The following CTNNA2 variants were observed in gnomAD, a reference collection of about 807,000 sequenced individuals.
CTNNA2 encodes the protein catenin alpha 2.
Under a neutral mutation model 101.0 loss-of-function variants are expected in CTNNA2, and 42 were observed. That is an observed-to-expected ratio of 0.42 (90% CI 0.32 to 0.54). CTNNA2 has a LOEUF of 0.54. Among genes scored for constraint, CTNNA2 ranks in the 20% least tolerant of loss-of-function variants. The pLI is 0.14. For missense variants in CTNNA2, 871 were observed against 1,223.1 expected (o/e 0.71, Z 4.29); for synonymous variants, 450 against 456.4 (o/e 0.99, Z 0.18).
intron 1 of CTNNA2, among the ~76,000 whole-genome samples, chr2:79,566,043 G>A (rs1461858882): frequency 6.6e-6 from 1 of 152,026 alleles, no homozygotes; most frequent in Admixed American, 6.6e-5. Context: ...TGAGTGGGGT[G>A]CCCTGAGAAT....
chr2:79,766,813 C>T (rs1411099756), intron 3 of CTNNA2, among the ~76,000 whole-genome samples: 5 of 151,558 alleles, frequency 3.3e-5, no homozygotes, highest in Middle Eastern at 3.4e-3. Flanking sequence ...TGGAGTGCAG[C>T]GGCATGATCT....
At chr2:79,628,511 A>AT (rs1430246813) in intron 1 of CTNNA2, among the ~76,000 whole-genome samples, 4 of 152,044 alleles carry the variant, frequency 2.6e-5, no homozygotes, top group African/African-American at 7.2e-5. Context: ...GAACAACGAA[A>AT]TTTTTTCATT....
Position 80,292,631 on chromosome 2 carries a change from C to A in CTNNA2, c.1057-100580C>A, listed in dbSNP as rs1675365810. On this transcript the variant is annotated intron_variant, in intron 7 of 18. Coordinates refer to ENST00000402739, the MANE Select transcript of CTNNA2 (RefSeq NM_001282597.3). ...GATCAAGAAGAAGTGGAGGCCTCTT[C>A]TGCATACTCTCATGGTGAGTCTGAT... Among the ~76,000 whole-genome samples, 6 of 152,206 alleles carry A rather than the reference C, an allele frequency of 3.9e-5. No individual in the cohort carries two copies. The South Asian group carries it at 1.2e-3, about 32-fold the overall frequency.
Position 80,555,878 on chromosome 2 carries a change from T to C in CTNNA2, c.1726T>C (p.Leu576=), listed in dbSNP as rs780486914. 6.5e-6 allele frequency: 10 copies of C among 1,550,072 alleles called. No homozygotes were observed. Among genetic ancestry groups the C allele is most frequent in the Non-Finnish European group, 3.5e-6 (4 of 1,146,570 alleles). ...YTEKVLEATK[L]LSETVMPRFA... ...TGAGAAGGTGTTGGAAGCTACAAAA[T>C]TGCTTTCTGAAACAGGTAAGCATGG... is the stretch of plus-strand genomic sequence containing the variant. Residue 576 remains leucine (L), a synonymous_variant, in exon 12 of 19, where the codon TTG becomes CTG. Coordinates refer to ENST00000402739, the MANE Select transcript of CTNNA2 (RefSeq NM_001282597.3).
chr2:79,699,726 A>T (rs956408164), intron 2 of CTNNA2, among the ~76,000 whole-genome samples: 1 of 150,174 alleles, frequency 6.7e-6, no homozygotes, highest in Non-Finnish European at 1.5e-5. Context: ...TCAACTAAAA[A>T]ATTTTGATGC....
chr2:79,703,584 A>C (rs967486112), intron 2 of CTNNA2, among the ~76,000 whole-genome samples: 1 of 152,194 alleles, frequency 6.6e-6, no homozygotes, highest in Non-Finnish European at 1.5e-5. Flanking sequence ...ATTTTTATCT[A>C]CTGCCTTCCA....
At chr2:80,402,170 G>A (rs919461838) in intron 8 of CTNNA2, among the ~76,000 whole-genome samples, 2 of 152,150 alleles carry the variant, frequency 1.3e-5, no homozygotes, top group African/African-American at 4.8e-5. Flanking sequence ...GAATATTCAG[G>A]TGAGCAGTCA....
chr2:80,478,932 G>C (rs76195255), intron 9 of CTNNA2, among the ~76,000 whole-genome samples: 3,296 of 151,860 alleles, frequency 0.022, 122 homozygotes, highest in African/African-American at 0.075. Context: ...ATTGGTGAGA[G>C]GAATTACATT....
intron 7 of CTNNA2, among the ~76,000 whole-genome samples, chr2:80,192,749 G>A (rs1320828404): frequency 6.6e-6 from 1 of 152,152 alleles, no homozygotes; most frequent in African/African-American, 2.4e-5. Context: ...TCCTGAACTT[G>A]TGATCCACCC....
intron 18 of CTNNA2, among the ~76,000 whole-genome samples, chr2:80,637,492 AGAGGAAGAAAGAGGT>A (rs1673004509): frequency 6.6e-6 from 1 of 152,014 alleles, no homozygotes; most frequent in Non-Finnish European, 1.5e-5. Context: ...AGTGCACAGG[AGAGGAAGAAAGAGGT>A]GGGGAAGAGG....
rs1283168348 is a variant in CTNNA2 at position 80,496,984 on chromosome 2, A to G, written c.1291-47998A>G. ...TTAAAGCAATATGTGACTCAGGAGA[A>G]GCATGAACGAAGCGCCTGAAAGAAT... is the stretch of plus-strand genomic sequence containing the variant. On this transcript the variant is annotated intron_variant, in intron 9 of 18. Coordinates refer to ENST00000402739, the MANE Select transcript of CTNNA2 (RefSeq NM_001282597.3). Among the ~76,000 whole-genome samples the G allele has an allele frequency of 3.3e-5, 5 of 152,318 alleles. No individual in the cohort carries two copies. In the East Asian group the frequency reaches 7.7e-4, roughly 24 times the overall value.
At chr2:80,393,169 T>C (rs1390169568) in intron 7 of CTNNA2, 42 bp from the exon 8 acceptor site, 3 of 1,468,054 alleles carry the variant, frequency 2.0e-6, no homozygotes, top group African/African-American at 1.4e-5. Flanking sequence ...GTCTCTAACA[T>C]TGAATATGCT....
chr2:79,909,900 G>A (rs531216246), intron 7 of CTNNA2, 103 bp downstream of exon 7: 5 of 1,197,470 alleles, frequency 4.2e-6, no homozygotes, highest in Non-Finnish European at 5.7e-6. Flanking sequence ...CAGACCAGGT[G>A]TTTACCAAAG....
chr2:79,544,793 C>A (rs1375621023), intron 1 of CTNNA2, among the ~76,000 whole-genome samples: 1 of 152,042 alleles, frequency 6.6e-6, no homozygotes, highest in East Asian at 1.9e-4. Context: ...AGAAATATTG[C>A]CTTGGCCTCC....
At chr2:80,139,076 A>G (rs1702856631) in intron 7 of CTNNA2, among the ~76,000 whole-genome samples, 1 of 152,148 alleles carries the variant, frequency 6.6e-6, no homozygotes, top group South Asian at 2.1e-4. Context: ...GCAAGTGAAA[A>G]GTATTGTTCT....
At chr2:79,533,816 G>A (rs905075031) in intron 1 of CTNNA2, among the ~76,000 whole-genome samples, 1 of 151,962 alleles carries the variant, frequency 6.6e-6, no homozygotes, top group Non-Finnish European at 1.5e-5. Flanking sequence ...AGCCCAAAGA[G>A]GAAACAACAA....
intron 7 of CTNNA2, among the ~76,000 whole-genome samples, chr2:80,062,187 C>G (rs1018179285): frequency 6.6e-6 from 1 of 152,190 alleles, no homozygotes; most frequent in Non-Finnish European, 1.5e-5. Flanking sequence ...TAATTCCTGT[C>G]ATTCTCAAAA....
intron 7 of CTNNA2, among the ~76,000 whole-genome samples, chr2:80,318,771 A>T (rs1678384303): frequency 1.3e-5 from 2 of 152,122 alleles, no homozygotes; most frequent in Non-Finnish European, 2.9e-5. Context: ...TTTTTTGTGA[A>T]GCTGGGCCTT....
chr2:79,620,076 A>G (rs1416709486), intron 1 of CTNNA2, among the ~76,000 whole-genome samples: 1 of 152,242 alleles, frequency 6.6e-6, no homozygotes, highest in Non-Finnish European at 1.5e-5. Context: ...GTCTGAGGCT[A>G]TAGCCACAGC....
Sources: allele counts gnomAD v4.1 joint callset (sites outside exome capture counted in the v4.1 genomes callset), GRCh38; gene constraint gnomAD v4.1.1; transcripts MANE v1.5; gene names NCBI Gene and HGNC (gene_info 2026-07-23, HGNC 2026-07-21).